The following MRTFB variants were observed in gnomAD, a reference collection of about 807,000 sequenced individuals.
The protein encoded by MRTFB is myocardin-related transcription factor B.
In MRTFB, 29 loss-of-function variants were observed where a neutral mutation model predicts 104.2. The ratio of observed to expected loss-of-function variants is 0.28; its 90% CI spans 0.21 to 0.38. The LOEUF is 0.38. Ranked by LOEUF, MRTFB falls within the 10% of genes least tolerant of loss-of-function variation. MRTFB has a pLI of 1.00. For synonymous variants in MRTFB, 535 were observed against 519.5 expected, an observed-to-expected ratio of 1.03 and a Z score of -0.41; for missense variants, 1,270 against 1,341.6, an observed-to-expected ratio of 0.95 and a Z score of 0.83.
upstream of MRTFB, among the ~76,000 whole-genome samples, chr16:14,071,061 C>A (rs1041167701): frequency 6.6e-6 from 1 of 151,996 alleles, no homozygotes; most frequent in African/African-American, 2.4e-5. Context: ...GAGCCCCGGA[C>A]ATGCGCATGC....
In MRTFB at chr16:14,262,448, G is replaced by C. The variant is rs1053567103; in HGVS notation, c.*1004G>C. 6.6e-6 allele frequency: 1 copy of C among 152,214 alleles called. No individual in the cohort carries two copies. Among genetic ancestry groups the C allele is most frequent in the African/African-American group, 2.4e-5 (1 of 41,450 alleles). 9.4% of individuals were successfully genotyped at this position (152,214 alleles called of 1,614,324 possible). Reference sequence around the variant, plus strand: ...AATATCTTTCTGAGCTGGCGAGTTAGAAGAATGGAAGGTAAGGGGAAGGTC... The same window carrying C: ...AATATCTTTCTGAGCTGGCGAGTTACAAGAATGGAAGGTAAGGGGAAGGTC... On this transcript the variant is annotated 3_prime_UTR_variant, in exon 17 of 17. Coordinates refer to ENST00000571589, the MANE Select transcript of MRTFB (RefSeq NM_001308142.2).
At chr16:14,251,011 C>CTT in intron 13 of MRTFB, among the ~76,000 whole-genome samples, 1 of 152,246 alleles carries the variant, frequency 6.6e-6, no homozygotes, top group Admixed American at 6.5e-5. Context: ...ATGTAAGTGG[C>CTT]TTTGACGCCT....
intron 3 of MRTFB, among the ~76,000 whole-genome samples, chr16:14,196,158 A>T (rs894603591): frequency 1.3e-5 from 2 of 152,220 alleles, no homozygotes; most frequent in Non-Finnish European, 1.5e-5. Flanking sequence ...TTAAAGAAAC[A>T]TGCCCCATTT....
chr16:14,118,009 T>A (rs1347538119), intron 2 of MRTFB, among the ~76,000 whole-genome samples: 1 of 152,090 alleles, frequency 6.6e-6, no homozygotes, highest in East Asian at 1.9e-4. Flanking sequence ...AATCTTAACA[T>A]TTTGCTAGCT....
At chr16:14,200,519 G>A (rs1403351712) in intron 3 of MRTFB, 3 of 1,609,958 alleles carry the variant, frequency 1.9e-6, no homozygotes, top group Admixed American at 3.3e-5. Flanking sequence ...TCTTCTCTGT[G>A]AATTGCTCAG....
chr16:14,226,942 T>C (rs2042028160), intron 8 of MRTFB, among the ~76,000 whole-genome samples: 1 of 151,576 alleles, frequency 6.6e-6, no homozygotes, highest in Admixed American at 6.6e-5. Flanking sequence ...AAAGCACCAC[T>C]GCACTCCAGC....
the MRTFB span, among the ~76,000 whole-genome samples, chr16:14,044,145 TTCAG>T: frequency 1.1e-3 from 167 of 152,298 alleles, no homozygotes; most frequent in South Asian, 5.0e-3. Context: ...CATTCATTCA[TTCAG>T]TCAGTCAGTC....
the MRTFB span, among the ~76,000 whole-genome samples, chr16:14,049,548 T>G: frequency 2.6e-5 from 4 of 152,208 alleles, no homozygotes; most frequent in Non-Finnish European, 4.4e-5. Context: ...GCAATATGAT[T>G]GCGGATTGGA....
At chr16:14,031,593 CATG>C in the MRTFB span, among the ~76,000 whole-genome samples, 2 of 152,112 alleles carry the variant, frequency 1.3e-5, no homozygotes, top group Non-Finnish European at 2.9e-5. Context: ...GATATTGTGA[CATG>C]ATAAGAAATA....
intron 2 of MRTFB, among the ~76,000 whole-genome samples, chr16:14,133,014 G>C (rs904855553): frequency 6.6e-6 from 1 of 152,180 alleles, no homozygotes; most frequent in African/African-American, 2.4e-5. Flanking sequence ...AAGATATGTT[G>C]CTTAAATAAT....
At chr16:14,250,129 C>T (rs1045859399) in intron 13 of MRTFB, among the ~76,000 whole-genome samples, 7 of 152,076 alleles carry the variant, frequency 4.6e-5, no homozygotes, top group Non-Finnish European at 1.0e-4. Flanking sequence ...AGTCTGTAAA[C>T]ACTAGAATTA....
rs73513155 is a variant in MRTFB, at chr16:14,078,539, C to T, written c.-128-751C>T. Among the ~76,000 whole-genome samples the T allele has an allele frequency of 8.9e-3, 1,349 of 151,986 alleles. 20 individuals carry two copies. The highest frequency in any genetic ancestry group is 0.032 in the African/African-American group (1,308 of 41,424). ...TGAACTCCTAGGCTCAATCAATCAT[C>T]CTACCTCAGCCTCCCGAGCAGCTGG... On this transcript the variant is annotated intron_variant, in intron 1 of 16. Transcript: ENST00000571589.
chr16:14,146,515 A>T (rs2038324759), intron 3 of MRTFB, among the ~76,000 whole-genome samples: 1 of 152,208 alleles, frequency 6.6e-6, no homozygotes, highest in South Asian at 2.1e-4. Context: ...GAGAGAAAAT[A>T]ATTTATTCAG....
At chr16:14,040,474 T>A in the MRTFB span, among the ~76,000 whole-genome samples, 29 of 151,894 alleles carry the variant, frequency 1.9e-4, no homozygotes, top group East Asian at 3.3e-3. Context: ...ATCTTTTTTT[T>A]TTTTTTGAGA....
upstream of MRTFB, among the ~76,000 whole-genome samples, chr16:14,070,514 G>T (rs1343600198): frequency 6.6e-6 from 1 of 152,204 alleles, no homozygotes; most frequent in Non-Finnish European, 1.5e-5. Flanking sequence ...AGACAGAACC[G>T]CATAAAAATA....
chr16:14,043,040 A>G, the MRTFB span, among the ~76,000 whole-genome samples: 3 of 152,214 alleles, frequency 2.0e-5, no homozygotes, highest in Admixed American at 2.0e-4. Context: ...AAAGGCCCGC[A>G]AAGGAACGGG....
chr16:14,234,238 CACAA>C lies in MRTFB; in HGVS notation c.790_793del (p.Asn264LeufsTer12). 6.2e-7 allele frequency: 1 copy of C among 1,614,142 alleles called. No individual in the cohort carries two copies. Among genetic ancestry groups the C allele is most frequent in the Non-Finnish European group, 8.5e-7 (1 of 1,180,030 alleles). ...CACGGCCTGCAGCTCCTGTCCTCCC[CACAA>C]ACACTGTGTCCTCAGCAAAGCCTGG... On this transcript the variant is annotated frameshift_variant, in exon 9 of 17. Transcript: ENST00000571589. LOFTEE classifies it high-confidence loss of function.
rs566530532 is a variant in MRTFB at position 14,121,689 on chromosome 16, T to C, written c.-63-18855T>C. Among the ~76,000 whole-genome samples the C allele has an allele frequency of 7.2e-5, 11 of 152,300 alleles. No homozygotes were observed. In the South Asian group the frequency reaches 2.3e-3, roughly 32 times the overall value. ...AAATTGGAAATGTCTTTATTCTCTTTGCAGACTGTAAAGGTAGCACACGCT... is the reference window on the plus strand; with the variant it reads ...AAATTGGAAATGTCTTTATTCTCTTCGCAGACTGTAAAGGTAGCACACGCT... On this transcript the variant is annotated intron_variant, in intron 2 of 16. Coordinates refer to ENST00000571589, the MANE Select transcript of MRTFB (RefSeq NM_001308142.2).
chr16:14,042,553 A>T, the MRTFB span, among the ~76,000 whole-genome samples: 1 of 152,338 alleles, frequency 6.6e-6, no homozygotes, highest in South Asian at 2.1e-4. Context: ...GGTTCTGGGA[A>T]GTTAAATCAG....
Sources: gnomAD v4.1 joint callset for allele counts (sites outside exome capture counted in the v4.1 genomes callset) on GRCh38, gnomAD v4.1.1 for gene constraint, MANE v1.5 for transcripts, NCBI Gene and HGNC (gene_info 2026-07-23, HGNC 2026-07-21) for gene names.